Variants in ACADS observed in about 807,000 individuals in gnomAD.
The protein encoded by ACADS is short-chain specific acyl-CoA dehydrogenase, mitochondrial.
In ACADS, 28 loss-of-function variants were observed where a neutral mutation model predicts 46.8. The observed-to-expected ratio is 0.60, with a 90% CI of 0.44 to 0.82. ACADS has a LOEUF of 0.82. Ranked by LOEUF, ACADS falls within the 40% of genes least tolerant of loss-of-function variation. The pLI, the probability that ACADS is intolerant of heterozygous loss-of-function variation, is 0.00. For synonymous variants in ACADS, 236 were observed against 237.7 expected (o/e 0.99, Z 0.07); for missense variants, 528 against 578.0 (o/e 0.91, Z 0.89).
chr12:120,737,508 C>A, intron 4 of ACADS, 41 bp downstream of exon 4: 1 of 1,546,004 alleles, frequency 6.5e-7, no homozygotes, highest in Non-Finnish European at 8.9e-7. Context: ...GGGTGACAGG[C>A]CCAGAGGGGA....
At chr12:120,737,322 T>A (rs1208248854) in intron 3 of ACADS, 34 bp from the exon 4 acceptor site, 3 of 1,601,190 alleles carry the variant, frequency 1.9e-6, no homozygotes, top group Non-Finnish European at 2.6e-6. Context: ...CGCCTGGGCC[T>A]GGGGCCTCCG....
chr12:120,729,666 G>A (rs2076400739), intron 2 of ACADS, among the ~76,000 whole-genome samples: 2 of 151,998 alleles, frequency 1.3e-5, no homozygotes, highest in Admixed American at 6.6e-5. Context: ...GCCCTTTAAC[G>A]AGTGCACATT....
At chr12:120,736,849 A>T (rs1883455734) in intron 2 of ACADS, 137 bp from the exon 3 acceptor site, 1 of 1,099,402 alleles carries the variant, frequency 9.1e-7, no homozygotes, top group African/African-American at 1.6e-5. Context: ...GGACTTGGGG[A>T]TCCCTTGTGC....
At chr12:120,727,267 G>A (rs541246464) in intron 2 of ACADS, 78 bp downstream of exon 2, 95 of 1,586,790 alleles carry the variant, frequency 6.0e-5, no homozygotes, top group Admixed American at 3.5e-4. Flanking sequence ...GACAGTCAGC[G>A]GCACTCGGAC....
At chr12:120,729,258 CTT>C (rs137894149) in intron 2 of ACADS, among the ~76,000 whole-genome samples, 55,226 of 122,344 alleles carry the variant, frequency 0.45, 11,604 homozygotes, top group African/African-American at 0.65. Context: ...TTTCTTTTTT[CTT>C]TTTTTTTTTT....
At chr12:120,731,455 G>GTTT (rs71076649) in intron 2 of ACADS, among the ~76,000 whole-genome samples, 2 of 126,252 alleles carry the variant, frequency 1.6e-5, no homozygotes, top group Non-Finnish European at 1.6e-5. Flanking sequence ...TAATAAAATA[G>GTTT]TTTTTTTTTT....
chr12:120,739,488 G>T lies in ACADS; in HGVS notation c.*40G>T, dbSNP rs1281605887. The T allele has an allele frequency of 1.9e-6, 3 of 1,589,388 alleles. No homozygotes were observed. In the African/African-American group the frequency reaches 4.0e-5, roughly 21 times the overall value. On this transcript the variant is annotated 3_prime_UTR_variant, in exon 10 of 10. Transcript: ENST00000242592. ...GCCCCAGGACTGCGGGAAGGCGCGGGAGCCAGGGGCCTCCACCCCAACCCC... is the reference window on the plus strand; with the variant it reads ...GCCCCAGGACTGCGGGAAGGCGCGGTAGCCAGGGGCCTCCACCCCAACCCC...
At chr12:120,730,737 A>C (rs1343546909) in intron 2 of ACADS, among the ~76,000 whole-genome samples, 1 of 152,114 alleles carries the variant, frequency 6.6e-6, no homozygotes. Flanking sequence ...CGATTGGCTC[A>C]TGTGCCATTT....
chr12:120,731,478 G>A (rs549111718), intron 2 of ACADS, among the ~76,000 whole-genome samples: 66 of 147,154 alleles, frequency 4.5e-4, no homozygotes, highest in African/African-American at 1.5e-3. Flanking sequence ...TTTTTGAGGC[G>A]GAGTCTCACT....
intron 2 of ACADS, among the ~76,000 whole-genome samples, chr12:120,729,303 G>A (rs1047045125): frequency 2.8e-5 from 4 of 144,620 alleles, no homozygotes; most frequent in Non-Finnish European, 5.9e-5. Flanking sequence ...TGTCCCCCAG[G>A]CTGGAGTGCA....
At chr12:120,726,530 T>C (rs1427841859) in intron 1 of ACADS, among the ~76,000 whole-genome samples, 2 of 152,216 alleles carry the variant, frequency 1.3e-5, no homozygotes, top group African/African-American at 2.4e-5. Context: ...AGGGGAACGC[T>C]ACTGAGAACT....
chr12:120,729,869 G>A (rs1842267167), intron 2 of ACADS, among the ~76,000 whole-genome samples: 1 of 152,180 alleles, frequency 6.6e-6, no homozygotes, highest in African/African-American at 2.4e-5. Flanking sequence ...TGTGCTCTTA[G>A]GTGCTGCCCC....
Position 120,725,929 on chromosome 12 carries a change from G to T in ACADS, c.44G>T (p.Arg15Ile). Reference protein sequence around the residue: ...LLARASGPARRALCPRAWRQL... With the variant: ...LLARASGPARIALCPRAWRQL... ...GCCCGGGCCTCGGGCCCTGCCCGCA[G>T]AGGTGAGTGCGCTGGGGATCCGTAC... Residue 15 changes from arginine (R) to isoleucine (I), a missense_variant and splice_region_variant, in exon 1 of 10, where the codon AGA (arginine) becomes ATA (isoleucine). Physicochemically the swap from Arg to Ile is moderately conservative, Grantham distance 97. Transcript: ENST00000242592. 1 of 1,552,054 alleles carries T rather than the reference G, an allele frequency of 6.4e-7. No homozygotes were observed.
intron 2 of ACADS, among the ~76,000 whole-genome samples, chr12:120,729,652 G>A (rs1362174508): frequency 1.3e-5 from 2 of 152,038 alleles, no homozygotes; most frequent in African/African-American, 4.8e-5. Context: ...CTCTTTTTCA[G>A]GAGGCCCTTT....
Position 120,736,967 on chromosome 12 carries a change from C to G in ACADS, c.211-19C>G. The G allele has an allele frequency of 6.3e-7, 1 of 1,589,602 alleles. No individual in the cohort carries two copies. ...CCCCCGGCAGCTGCCCATGGCGTGC[C>G]GTCCTTCCCTGTGCCCAGGTGAAGA... On this transcript the variant is annotated intron_variant, in intron 2 of 9. Transcript: ENST00000242592.
intron 2 of ACADS, among the ~76,000 whole-genome samples, chr12:120,735,416 C>T (rs1883403403): frequency 6.9e-6 from 1 of 145,698 alleles, no homozygotes; most frequent in Non-Finnish European, 1.5e-5. Flanking sequence ...TTCAACAGTA[C>T]CTCAGCCTGG....
At chr12:120,729,860 G>A (rs1257147664) in intron 2 of ACADS, among the ~76,000 whole-genome samples, 2 of 152,188 alleles carry the variant, frequency 1.3e-5, no homozygotes, top group Non-Finnish European at 2.9e-5. Context: ...GGAGAAGGCT[G>A]TGCTCTTAGG....
In ACADS at chr12:120,739,516, C is replaced by T; in HGVS notation, c.*68C>T. The T allele has an allele frequency of 6.4e-7, 1 of 1,570,588 alleles. No individual in the cohort carries two copies. Among genetic ancestry groups the T allele is most frequent in the Non-Finnish European group, 8.6e-7 (1 of 1,163,436 alleles). ...CCAGGGGCCTCCACCCCAACCCCGGCTCAGAGACTGGGCGGCCCGGCGGGG... is the reference window on the plus strand; with the variant it reads ...CCAGGGGCCTCCACCCCAACCCCGGTTCAGAGACTGGGCGGCCCGGCGGGG... On this transcript the variant is annotated 3_prime_UTR_variant, in exon 10 of 10. Transcript: ENST00000242592.
chr12:120,727,414 T>C (rs1349818700), intron 2 of ACADS, among the ~76,000 whole-genome samples: 1 of 152,268 alleles, frequency 6.6e-6, no homozygotes, highest in Non-Finnish European at 1.5e-5. Flanking sequence ...AGTTGCTTAC[T>C]GTGCCAGCCA....
Sources: allele counts gnomAD v4.1 joint callset (sites outside exome capture counted in the v4.1 genomes callset), GRCh38; gene constraint gnomAD v4.1.1; transcripts MANE v1.5; gene names NCBI Gene and HGNC (gene_info 2026-07-23, HGNC 2026-07-21).